Variants in USP40 observed in about 807,000 individuals in gnomAD.
USP40 encodes the protein ubiquitin carboxyl-terminal hydrolase 40.
USP40 carries 143 observed loss-of-function variants against 166.2 expected under a neutral mutation model. That is an observed-to-expected ratio of 0.86 (90% CI 0.75 to 0.99). USP40 has a LOEUF of 0.99. USP40 is among the 50% of genes least tolerant of loss of function. The pLI is 0.00. For missense variants in USP40, 1,444 were observed against 1,479.7 expected (o/e 0.98, Z 0.40); for synonymous variants, 498 against 524.0 (o/e 0.95, Z 0.68).
intron 3 of USP40, chr2:233,560,687 G>C (rs1302498942): frequency 1.2e-5 from 3 of 244,596 alleles, no homozygotes; most frequent in Non-Finnish European, 1.6e-5. Flanking sequence ...GTTTAAGCAG[G>C]GAGGAACATG....
intron 2 of USP40, among the ~76,000 whole-genome samples, chr2:233,564,711 T>C (rs1490537590): frequency 6.6e-6 from 1 of 152,188 alleles, no homozygotes; most frequent in Non-Finnish European, 1.5e-5. Flanking sequence ...GTTTTTTATA[T>C]ATATATAAAA....
intron 22 of USP40, among the ~76,000 whole-genome samples, chr2:233,498,845 CTTAGAT>C (rs1449407562): frequency 1.3e-5 from 2 of 152,112 alleles, no homozygotes; most frequent in Non-Finnish European, 2.9e-5. Context: ...CTTCAGTTAT[CTTAGAT>C]TTATTTTTTT....
At chr2:233,519,473 C>A (rs145000470) in intron 18 of USP40, 141 bp downstream of exon 18, 5 of 572,688 alleles carry the variant, frequency 8.7e-6, no homozygotes, top group South Asian at 1.9e-5. Flanking sequence ...AAACATATGA[C>A]AAAATGTTAA....
At chr2:233,499,467 C>A (rs1320756555) in intron 22 of USP40, among the ~76,000 whole-genome samples, 1 of 152,158 alleles carries the variant, frequency 6.6e-6, no homozygotes, top group Non-Finnish European at 1.5e-5. Flanking sequence ...CTGCAATGAA[C>A]ATACATGTGC....
intron 21 of USP40, among the ~76,000 whole-genome samples, chr2:233,509,838 TA>T (rs746629187): frequency 0.25 from 20,027 of 80,788 alleles, 1,531 homozygotes; most frequent in African/African-American, 0.27. Context: ...TGAGACTCTC[TA>T]AAAAAAAAAA....
At position 233,477,394 on chromosome 2, in the gene USP40, A is replaced by C. The variant is rs778046167; in HGVS notation, c.3709T>G (p.Ter1237GluextTer54). 5.0e-6 allele frequency: 8 copies of C among 1,613,388 alleles called. No individual in the cohort carries two copies. ...AGTAGAGCCGTGCAGCGGCGCGGTT[A>C]TCTGAAGCTCCCCACGTGGATGGAG... ...SLSIHVGSFR[*>E] Residue 1237 changes from the stop codon to glutamate (E), a stop_lost, in exon 32 of 32, where the codon TAA becomes GAA. Transcript: ENST00000678225.
intron 17 of USP40, 40 bp downstream of exon 17, chr2:233,520,951 T>C: frequency 6.3e-7 from 1 of 1,584,216 alleles, no homozygotes. Context: ...TTCTGTTAAC[T>C]GAAAATCTAT....
chr2:233,485,489 C>T (rs748284652), intron 30 of USP40, 42 bp downstream of exon 30: 4 of 1,459,510 alleles, frequency 2.7e-6, no homozygotes, highest in Non-Finnish European at 3.8e-6. Flanking sequence ...ATGTGACCCT[C>T]GTGTCTTCTC....
At chr2:233,563,300 T>C (rs1288106097) in intron 2 of USP40, among the ~76,000 whole-genome samples, 1 of 152,148 alleles carries the variant, frequency 6.6e-6, no homozygotes, top group Non-Finnish European at 1.5e-5. Context: ...GAAAAAGAAG[T>C]TGGCAACCCC....
At chr2:233,477,539 T>C in intron 31 of USP40, 36 bp from the exon 32 acceptor site, 1 of 1,572,002 alleles carries the variant, frequency 6.4e-7, no homozygotes, top group Non-Finnish European at 8.7e-7. Context: ...GACTCATGGA[T>C]GCAGTGGGTG....
intron 10 of USP40, among the ~76,000 whole-genome samples, chr2:233,537,812 GA>G (rs1340786893): frequency 2.6e-5 from 4 of 152,138 alleles, no homozygotes; most frequent in East Asian, 1.9e-4. Flanking sequence ...AATGCTAAAG[GA>G]AACTCTCTAG....
At chr2:233,551,628 A>G (rs769091371) in intron 6 of USP40, 109 bp from the exon 7 acceptor site, 284 of 1,061,834 alleles carry the variant, frequency 2.7e-4, no homozygotes, top group Non-Finnish European at 3.6e-4. Flanking sequence ...TCTAAGAGAA[A>G]TATTACATAA....
chr2:233,489,557 A>G, intron 26 of USP40, 74 bp from the exon 27 acceptor site: 1 of 1,260,986 alleles, frequency 7.9e-7, no homozygotes, highest in Non-Finnish European at 1.1e-6. Flanking sequence ...TAGAAAAAAA[A>G]AATGAAGCAC....
At chr2:233,503,645 T>G (rs1336356558) in intron 21 of USP40, among the ~76,000 whole-genome samples, 1 of 152,040 alleles carries the variant, frequency 6.6e-6, no homozygotes, top group East Asian at 1.9e-4. Flanking sequence ...AAAAACACTG[T>G]CAGCCAAGAA....
At chr2:233,552,970 T>C (rs1296762776) in intron 6 of USP40, among the ~76,000 whole-genome samples, 1 of 152,124 alleles carries the variant, frequency 6.6e-6, no homozygotes, top group Non-Finnish European at 1.5e-5. Flanking sequence ...GAGCTCAAGG[T>C]GATGATGTTT....
At chr2:233,526,907 C>T (rs1431418522) in intron 13 of USP40, among the ~76,000 whole-genome samples, 1 of 152,200 alleles carries the variant, frequency 6.6e-6, no homozygotes, top group Non-Finnish European at 1.5e-5. Context: ...TTGCTATCAT[C>T]ATTAAAACAT....
chr2:233,521,541 G>A (rs1051211719), intron 16 of USP40, among the ~76,000 whole-genome samples: 3 of 152,264 alleles, frequency 2.0e-5, no homozygotes, highest in South Asian at 2.1e-4. Flanking sequence ...GTCACACATG[G>A]CATATATATT....
chr2:233,485,423 G>T, intron 30 of USP40, 108 bp downstream of exon 30: 1 of 901,332 alleles, frequency 1.1e-6, no homozygotes. Flanking sequence ...GAAACAATTT[G>T]TATAAAATGG....
At position 233,532,436 on chromosome 2, in the gene USP40, T is replaced by C. The variant is rs138689170; in HGVS notation, c.1471+1043A>G. On this transcript the variant is annotated intron_variant, in intron 11 of 31. Coordinates refer to ENST00000678225, the MANE Select transcript of USP40 (RefSeq NM_001365479.2). The stretch of plus-strand genomic sequence containing the variant: ...ACTGATGGCGGGCTCCCAATTCATT[T>C]ACATGAGGTGAGCATGAAGTGGCCA... 6.4e-3 allele frequency among the ~76,000 whole-genome samples: 975 copies of C among 152,322 alleles called. 4 individuals are homozygous for C. The highest frequency in any genetic ancestry group is 0.022 in the African/African-American group (922 of 41,556).
Sources: allele counts gnomAD v4.1 joint callset (sites outside exome capture counted in the v4.1 genomes callset), GRCh38; gene constraint gnomAD v4.1.1; transcripts MANE v1.5; gene names NCBI Gene and HGNC (gene_info 2026-07-23, HGNC 2026-07-21).